The following PAPSS1 variants were observed in gnomAD, a reference collection of about 807,000 sequenced individuals.
PAPSS1 encodes bifunctional 3'-phosphoadenosine 5'-phosphosulfate synthase 1.
Under a neutral mutation model 72.0 loss-of-function variants are expected in PAPSS1, and 50 were observed. That is an observed-to-expected ratio of 0.69 (90% CI 0.55 to 0.88). The LOEUF is 0.88. PAPSS1 is among the 40% of genes least tolerant of loss of function. The pLI, the probability that PAPSS1 is intolerant of heterozygous loss-of-function variation, is 0.00. For missense variants in PAPSS1, 657 were observed against 782.2 expected, an observed-to-expected ratio of 0.84 and a Z score of 1.91; for synonymous variants, 261 against 263.6, an observed-to-expected ratio of 0.99 and a Z score of 0.09.
chr4:107,701,106 C>T, intron 2 of PAPSS1, 65 bp downstream of exon 2: 2 of 964,948 alleles, frequency 2.1e-6, no homozygotes, highest in Non-Finnish European at 1.6e-6. Flanking sequence ...TATGCTTACG[C>T]CTAGTCCAAG....
intron 8 of PAPSS1, 55 bp downstream of exon 8, chr4:107,654,640 C>T (rs1252399184): frequency 1.4e-6 from 2 of 1,412,936 alleles, no homozygotes; most frequent in Non-Finnish European, 2.0e-6. Context: ...GCCCACATTT[C>T]AGCACAAACA....
At chr4:107,650,760 T>G (rs111928179) in intron 9 of PAPSS1, among the ~76,000 whole-genome samples, 1 of 152,052 alleles carries the variant, frequency 6.6e-6, no homozygotes, top group Non-Finnish European at 1.5e-5. Context: ...AAACTCACAG[T>G]ATAAGGACAA....
At chr4:107,661,787 G>C (rs562387620) in intron 5 of PAPSS1, among the ~76,000 whole-genome samples, 1 of 152,142 alleles carries the variant, frequency 6.6e-6, no homozygotes, top group African/African-American at 2.4e-5. Flanking sequence ...ATTTATATTT[G>C]GTCTTACATG....
intron 5 of PAPSS1, among the ~76,000 whole-genome samples, chr4:107,662,919 G>T (rs1023888077): frequency 6.6e-6 from 1 of 152,108 alleles, no homozygotes; most frequent in African/African-American, 2.4e-5. Context: ...AGGACAATAC[G>T]ATGTGCATTA....
At chr4:107,652,320 G>A (rs1161404406) in intron 9 of PAPSS1, among the ~76,000 whole-genome samples, 1 of 152,140 alleles carries the variant, frequency 6.6e-6, no homozygotes, top group Non-Finnish European at 1.5e-5. Flanking sequence ...CAAATCTACA[G>A]TGAATGCTGT....
At chr4:107,710,669 A>T (rs1260179143) in intron 1 of PAPSS1, among the ~76,000 whole-genome samples, 1 of 152,170 alleles carries the variant, frequency 6.6e-6, no homozygotes, top group Non-Finnish European at 1.5e-5. Context: ...TGCTTAGTCC[A>T]GCAGCTCCCA....
chr4:107,613,706 A>C lies in PAPSS1; in HGVS notation c.*543T>G. ...TTAATTTTATTGAGTAAAGAAGTTC[A>C]TTCAGAGCTTACACAGATCATAAGA... On this transcript the variant is annotated 3_prime_UTR_variant, in exon 12 of 12. Transcript: ENST00000265174. 6.6e-6 allele frequency: 1 copy of C among 152,202 alleles called. No individual in the cohort carries two copies. The allele number at this position is 152,202 out of a possible 1,614,324, so 9.4% of individuals were successfully genotyped here. A position where few individuals can be genotyped will look rare whatever the true frequency, so the allele number is the denominator to read the frequency against.
chr4:107,647,197 T>C (rs148215664), intron 9 of PAPSS1, among the ~76,000 whole-genome samples: 1 of 152,264 alleles, frequency 6.6e-6, no homozygotes, highest in African/African-American at 2.4e-5. Context: ...AATAAATACA[T>C]GTTAAAAGGA....
At chr4:107,716,474 T>C (rs768868478) in intron 1 of PAPSS1, among the ~76,000 whole-genome samples, 11 of 152,182 alleles carry the variant, frequency 7.2e-5, no homozygotes, top group Non-Finnish European at 1.6e-4. Context: ...TGCTTCTTAA[T>C]GTCACGTCCA....
intron 3 of PAPSS1, among the ~76,000 whole-genome samples, chr4:107,688,472 A>C (rs2522420): frequency 0.27 from 41,688 of 152,088 alleles, 6,829 homozygotes; most frequent in East Asian, 0.46. Flanking sequence ...AATTTTCAGC[A>C]TAATGAACTA....
intron 2 of PAPSS1, among the ~76,000 whole-genome samples, chr4:107,698,387 T>A (rs978744032): frequency 2.6e-5 from 4 of 152,192 alleles, no homozygotes; most frequent in African/African-American, 9.7e-5. Flanking sequence ...ACTGCACACA[T>A]CAGGTGAATA....
At chr4:107,617,458 T>C (rs139603430) in intron 11 of PAPSS1, among the ~76,000 whole-genome samples, 1 of 152,322 alleles carries the variant, frequency 6.6e-6, no homozygotes, top group African/African-American at 2.4e-5. Context: ...GCTATACATA[T>C]ATGATATGAA....
chr4:107,695,555 CCTTGT>C (rs1405986592), intron 2 of PAPSS1, among the ~76,000 whole-genome samples: 3 of 152,136 alleles, frequency 2.0e-5, no homozygotes, highest in African/African-American at 7.2e-5. Flanking sequence ...GAGACAGCAT[CCTTGT>C]CTTGTGCCGG....
chr4:107,715,860 C>T (rs1208255985), intron 1 of PAPSS1, among the ~76,000 whole-genome samples: 1 of 152,140 alleles, frequency 6.6e-6, no homozygotes, highest in Non-Finnish European at 1.5e-5. Context: ...CACTATAACC[C>T]CATATGGTAT....
At chr4:107,646,016 A>C (rs934699318) in intron 9 of PAPSS1, among the ~76,000 whole-genome samples, 2 of 152,162 alleles carry the variant, frequency 1.3e-5, no homozygotes, top group African/African-American at 4.8e-5. Context: ...AAAATCCAAG[A>C]TTTACAGCAT....
intron 4 of PAPSS1, among the ~76,000 whole-genome samples, chr4:107,682,963 T>C (rs1722675024): frequency 6.6e-6 from 1 of 152,204 alleles, no homozygotes; most frequent in Non-Finnish European, 1.5e-5. Context: ...AACCACTATT[T>C]AGATTTTTCC....
At chr4:107,637,536 T>C (rs1726420426) in intron 10 of PAPSS1, among the ~76,000 whole-genome samples, 1 of 152,200 alleles carries the variant, frequency 6.6e-6, no homozygotes, top group African/African-American at 2.4e-5. Flanking sequence ...ATTAGATATA[T>C]GATATTTTCA....
At chr4:107,667,967 T>C (rs1027010814) in intron 5 of PAPSS1, among the ~76,000 whole-genome samples, 1 of 152,204 alleles carries the variant, frequency 6.6e-6, no homozygotes, top group Admixed American at 6.5e-5. Flanking sequence ...ATTCAAGAAA[T>C]AATAAATCTT....
chr4:107,620,265 C>G (rs902888127), intron 11 of PAPSS1, among the ~76,000 whole-genome samples: 4 of 152,194 alleles, frequency 2.6e-5, no homozygotes, highest in African/African-American at 7.2e-5. Flanking sequence ...TTGAGTCTAA[C>G]TTGAAAGCGG....
Sources: gnomAD v4.1 joint callset for allele counts (sites outside exome capture counted in the v4.1 genomes callset) on GRCh38, gnomAD v4.1.1 for gene constraint, MANE v1.5 for transcripts, NCBI Gene and HGNC (gene_info 2026-07-23, HGNC 2026-07-21) for gene names.